Variants in GABBR2 observed in about 807,000 individuals in gnomAD.
The protein encoded by GABBR2 is G-protein coupled receptor 51.
In GABBR2, 23 loss-of-function variants were observed where a neutral mutation model predicts 105.6. That is an observed-to-expected ratio of 0.22 (90% CI 0.16 to 0.31). The LOEUF (loss-of-function observed/expected upper bound fraction) is 0.31, where lower values mean the gene tolerates loss of function less well. Ranked by LOEUF, GABBR2 falls within the 10% of genes least tolerant of loss-of-function variation. GABBR2 has a pLI of 1.00. For synonymous variants in GABBR2, 478 were observed against 499.7 expected, an observed-to-expected ratio of 0.96 and a Z score of 0.58; for missense variants, 734 against 1,245.5, an observed-to-expected ratio of 0.59 and a Z score of 6.18.
At chr9:98,666,329 G>C (rs1830332736) in intron 1 of GABBR2, among the ~76,000 whole-genome samples, 1 of 152,234 alleles carries the variant, frequency 6.6e-6, no homozygotes, top group Admixed American at 6.5e-5. Flanking sequence ...CCAAGGGCTA[G>C]AGGTCGGAAT....
At position 98,290,388 on chromosome 9, in the gene GABBR2, C is replaced by A; in HGVS notation, c.*196G>T. On this transcript the variant is annotated 3_prime_UTR_variant, in exon 19 of 19. Coordinates refer to ENST00000259455, the MANE Select transcript of GABBR2 (RefSeq NM_005458.8). ...TCTTTGTGAAGAAATAAGGACTTCA[C>A]AAATAAGGCTCGAGGTCAGGTGCCA... 1 of 280,746 alleles carries A rather than the reference C, an allele frequency of 3.6e-6. No homozygotes were observed. The highest frequency in any genetic ancestry group is 6.6e-6 in the Non-Finnish European group (1 of 151,480). The allele number at this position is 280,746 out of a possible 1,614,324, so 17.4% of individuals were successfully genotyped here.
At chr9:98,439,113 A>G (rs1379266579) in intron 7 of GABBR2, among the ~76,000 whole-genome samples, 1 of 152,146 alleles carries the variant, frequency 6.6e-6, no homozygotes, top group Non-Finnish European at 1.5e-5. Flanking sequence ...AAAAAAACTG[A>G]AAAAAGAGTG....
At chr9:98,683,087 T>G (rs1830570134) in intron 1 of GABBR2, among the ~76,000 whole-genome samples, 1 of 151,974 alleles carries the variant, frequency 6.6e-6, no homozygotes, top group Non-Finnish European at 1.5e-5. Context: ...ACTAAACCTC[T>G]CTCTTTCCCC....
In GABBR2 at chr9:98,374,305, A is replaced by C. The variant is rs548816179; in HGVS notation, c.1663-2734T>G. Among the ~76,000 whole-genome samples, 9 of 152,382 alleles carry C rather than the reference A, an allele frequency of 5.9e-5. No individual in the cohort carries two copies. In the South Asian group the frequency reaches 1.9e-3, roughly 32 times the overall value. ...GTTAAAATTCAATAATATAAATTTAATCTGGCATCTGGAAACTGCAATATG... is the reference window on the plus strand; with the variant it reads ...GTTAAAATTCAATAATATAAATTTACTCTGGCATCTGGAAACTGCAATATG... On this transcript the variant is annotated intron_variant, in intron 11 of 18. Coordinates refer to ENST00000259455, the MANE Select transcript of GABBR2 (RefSeq NM_005458.8).
At chr9:98,645,256 T>C (rs1337587740) in intron 1 of GABBR2, among the ~76,000 whole-genome samples, 1 of 152,218 alleles carries the variant, frequency 6.6e-6, no homozygotes, top group African/African-American at 2.4e-5. Flanking sequence ...GTAACCAGCA[T>C]GTAGTGAATC....
In GABBR2 at chr9:98,465,121, T is replaced by TAAAAAAAAAAA. The variant is rs57747633; in HGVS notation, c.999+8014_999+8024dup. On this transcript the variant is annotated intron_variant, in intron 6 of 18. Coordinates refer to ENST00000259455, the MANE Select transcript of GABBR2 (RefSeq NM_005458.8). ...ACACCCAAGAATGATCAATAAATAC[T>TAAAAAAAAAAA]AAAAAAAAAAAAAAAAAAAAAAAAA... 6.7e-3 allele frequency among the ~76,000 whole-genome samples: 148 copies of TAAAAAAAAAAA among 22,010 alleles called. 3 individuals carry two copies. The highest frequency in any genetic ancestry group is 0.011 in the African/African-American group (50 of 4,710). The allele number at this position is 22,010 out of a possible 152,430, so 14.4% of individuals were successfully genotyped here. A position where few individuals can be genotyped will look rare whatever the true frequency, so the allele number is the denominator to read the frequency against.
intron 6 of GABBR2, among the ~76,000 whole-genome samples, chr9:98,463,587 C>T (rs1014588622): frequency 2.0e-5 from 3 of 151,088 alleles, no homozygotes; most frequent in Non-Finnish European, 3.0e-5. Context: ...CCCTCTCCCT[C>T]GCCCTCTCGC....
chr9:98,452,099 C>G (rs1410536284), intron 7 of GABBR2, among the ~76,000 whole-genome samples: 2 of 152,206 alleles, frequency 1.3e-5, no homozygotes, highest in African/African-American at 4.8e-5. Context: ...GGACAGGGAG[C>G]CCATCTTACC....
At chr9:98,651,134 C>T (rs1588269325) in intron 1 of GABBR2, among the ~76,000 whole-genome samples, 3 of 138,836 alleles carry the variant, frequency 2.2e-5, no homozygotes, top group Middle Eastern at 7.7e-3. Flanking sequence ...CACATACACA[C>T]ACTGGTTTTT....
At chr9:98,294,386 A>G (rs1418006671) in intron 17 of GABBR2, among the ~76,000 whole-genome samples, 1 of 152,216 alleles carries the variant, frequency 6.6e-6, no homozygotes, top group African/African-American at 2.4e-5. Flanking sequence ...TCTGTGTCAA[A>G]CACCATAAAA....
chr9:98,380,783 TGCACGCACTCAC>T (rs1250961613), intron 11 of GABBR2, among the ~76,000 whole-genome samples: 2 of 152,172 alleles, frequency 1.3e-5, no homozygotes, highest in African/African-American at 4.8e-5. Flanking sequence ...TGAATCTGTG[TGCACGCACTCAC>T]ACACGCACCC....
chr9:98,332,257 T>C (rs1831040800), intron 13 of GABBR2, among the ~76,000 whole-genome samples: 1 of 152,212 alleles, frequency 6.6e-6, no homozygotes, highest in South Asian at 2.1e-4. Context: ...TGTAAATCTA[T>C]CCTGCACGTT....
At chr9:98,324,493 G>GACACACACACACACAC (rs3983548) in intron 13 of GABBR2, among the ~76,000 whole-genome samples, 2 of 143,276 alleles carry the variant, frequency 1.4e-5, no homozygotes, top group Admixed American at 6.9e-5. Flanking sequence ...CTACAGAGCC[G>GACACACACACACACAC]ACACACACAC....
intron 1 of GABBR2, among the ~76,000 whole-genome samples, chr9:98,700,376 G>C (rs1220849804): frequency 6.6e-6 from 1 of 152,192 alleles, no homozygotes; most frequent in Non-Finnish European, 1.5e-5. Flanking sequence ...TTCAAGCTAA[G>C]AGCAAAATCT....
chr9:98,436,348 C>CATATATATAT (rs1158239322), intron 7 of GABBR2, among the ~76,000 whole-genome samples: 5 of 7,594 alleles, frequency 6.6e-4, no homozygotes, highest in Admixed American at 1.8e-3. Context: ...ACACACACAC[C>CATATATATAT]ATATATATAT....
intron 1 of GABBR2, among the ~76,000 whole-genome samples, chr9:98,678,966 C>A (rs1057357444): frequency 6.6e-6 from 1 of 152,132 alleles, no homozygotes; most frequent in Non-Finnish European, 1.5e-5. Flanking sequence ...ATGGAAGAGG[C>A]TGAAAAAGCA....
intron 2 of GABBR2, among the ~76,000 whole-genome samples, chr9:98,558,300 G>A (rs10986740): frequency 0.32 from 48,698 of 152,010 alleles, 8,022 homozygotes; most frequent in Middle Eastern, 0.46. Flanking sequence ...AACCATTCAG[G>A]CCAGCTGTGG....
intron 1 of GABBR2, among the ~76,000 whole-genome samples, chr9:98,586,188 G>T (rs749997969): frequency 6.6e-6 from 1 of 151,916 alleles, no homozygotes; most frequent in Non-Finnish European, 1.5e-5. Context: ...CTATGTTGAA[G>T]ACCTCTGCGC....
chr9:98,663,671 A>AT (rs1830297048), intron 1 of GABBR2, among the ~76,000 whole-genome samples: 1 of 151,660 alleles, frequency 6.6e-6, no homozygotes, highest in African/African-American at 2.4e-5. Context: ...AAAAAAAAAA[A>AT]AAAAATTATG....
Sources: gnomAD v4.1 joint callset for allele counts (sites outside exome capture counted in the v4.1 genomes callset) on GRCh38, gnomAD v4.1.1 for gene constraint, MANE v1.5 for transcripts, NCBI Gene and HGNC (gene_info 2026-07-23, HGNC 2026-07-21) for gene names.